The following TAB2 variants were observed in gnomAD, a reference collection of about 807,000 sequenced individuals.
TAB2 encodes the protein TGF-beta-activated kinase 1 and MAP3K7-binding protein 2.
In TAB2, 3 loss-of-function variants were observed where a neutral mutation model predicts 65.0. The ratio of observed to expected loss-of-function variants is 0.05; its 90% CI spans 0.02 to 0.12. TAB2 has a LOEUF of 0.12. TAB2 is among the 10% of genes least tolerant of loss of function. The pLI is 1.00. For synonymous variants in TAB2, 298 were observed against 285.1 expected (o/e 1.05, Z -0.46); for missense variants, 623 against 840.3 (o/e 0.74, Z 3.20).
At chr6:149,329,750 A>T (rs888731666) in intron 1 of TAB2, among the ~76,000 whole-genome samples, 1 of 152,072 alleles carries the variant, frequency 6.6e-6, no homozygotes, top group Non-Finnish European at 1.5e-5. Flanking sequence ...AGACTGTGAT[A>T]AGGACTTTAG....
chr6:149,275,366 C>T (rs866997670), intron 1 of TAB2, among the ~76,000 whole-genome samples: 2 of 152,010 alleles, frequency 1.3e-5, no homozygotes, highest in Non-Finnish European at 2.9e-5. Context: ...CACTCGCCAA[C>T]GAAAGAAGCT....
Position 149,263,320 on chromosome 6 carries a change from A to G in TAB2, c.-121+44544A>G, listed in dbSNP as rs74972107. ...TACAGAAAAACAGATCTTTTAAATT[A>G]GAAATAAATTGGTAGTTATCTATAT... On this transcript the variant is annotated intron_variant, in intron 1 of 1. Transcript: ENST00000606202. Among the ~76,000 whole-genome samples, 1,143 of 152,362 alleles carry G rather than the reference A, an allele frequency of 7.5e-3. 7 individuals are homozygous for G. Among genetic ancestry groups the G allele is most frequent in the Non-Finnish European group, 0.012 (839 of 68,028 alleles).
At chr6:149,226,234 T>A (rs1308522571) in intron 1 of TAB2, among the ~76,000 whole-genome samples, 1 of 152,180 alleles carries the variant, frequency 6.6e-6, no homozygotes, top group Admixed American at 6.5e-5. Flanking sequence ...CTGCCCATTA[T>A]AGGACACAGA....
chr6:149,306,620 C>T (rs1779077238), intron 1 of TAB2, among the ~76,000 whole-genome samples: 1 of 151,516 alleles, frequency 6.6e-6, no homozygotes, highest in Admixed American at 6.6e-5. Context: ...GGTGTAGTGG[C>T]GCAGCCCTGT....
intron 1 of TAB2, among the ~76,000 whole-genome samples, chr6:149,262,464 C>T (rs879266401): frequency 2.6e-5 from 4 of 151,350 alleles, no homozygotes; most frequent in African/African-American, 4.9e-5. Context: ...ACCCAGGAGG[C>T]GGAGGTTGCA....
At chr6:149,326,365 C>T (rs1262985224) in intron 1 of TAB2, among the ~76,000 whole-genome samples, 1 of 151,356 alleles carries the variant, frequency 6.6e-6, no homozygotes, top group Non-Finnish European at 1.5e-5. Context: ...TACATGAAAT[C>T]TCTTAGCCTA....
At chr6:149,304,757 A>G (rs2114706354) in intron 1 of TAB2, among the ~76,000 whole-genome samples, 1 of 152,304 alleles carries the variant, frequency 6.6e-6, no homozygotes, top group East Asian at 1.9e-4. Flanking sequence ...CTTGTTTAAA[A>G]GTGGCTTAGT....
Position 149,287,482 on chromosome 6 carries a change from GTT to G in TAB2, c.-121+68716_-121+68717del, listed in dbSNP as rs35420416. ...ATATAACAAGCAAACTTTGTTTTCTGTTTTTTTTTTTAAAAAGAAAGTATTAG... is the reference window on the plus strand; with the variant it reads ...ATATAACAAGCAAACTTTGTTTTCTGTTTTTTTTTAAAAAGAAAGTATTAG... On this transcript the variant is annotated intron_variant, in intron 1 of 1. Transcript: ENST00000606202. Among the ~76,000 whole-genome samples the G allele has an allele frequency of 9.9e-3, 1,477 of 148,994 alleles. 12 individuals carry two copies. The highest frequency in any genetic ancestry group is 0.026 in the African/African-American group (1,066 of 40,624).
chr6:149,350,437 TA>T (rs1216511051), intron 1 of TAB2, among the ~76,000 whole-genome samples: 1 of 152,116 alleles, frequency 6.6e-6, no homozygotes, highest in East Asian at 1.9e-4. Context: ...CAGAAAAAAT[TA>T]TTACCGCTAA....
chr6:149,374,857 A>C (rs1411133151), intron 2 of TAB2, among the ~76,000 whole-genome samples: 3 of 152,200 alleles, frequency 2.0e-5, no homozygotes, highest in Non-Finnish European at 4.4e-5. Flanking sequence ...TACTACACAA[A>C]TACCAAGTTT....
intron 1 of TAB2, among the ~76,000 whole-genome samples, chr6:149,297,323 C>T (rs967464346): frequency 3.9e-5 from 6 of 152,136 alleles, no homozygotes; most frequent in Admixed American, 6.5e-5. Flanking sequence ...TCAAGGATCA[C>T]GCATTTCATT....
intron 1 of TAB2, among the ~76,000 whole-genome samples, chr6:149,273,583 G>T (rs573278581): frequency 6.6e-6 from 1 of 152,344 alleles, no homozygotes; most frequent in African/African-American, 2.4e-5. Context: ...TGCAGTGGAG[G>T]AAGTGTCACA....
At chr6:149,236,745 C>T (rs1358625110) in intron 1 of TAB2, among the ~76,000 whole-genome samples, 2 of 152,158 alleles carry the variant, frequency 1.3e-5, no homozygotes, top group Non-Finnish European at 2.9e-5. Flanking sequence ...ATGTTGGCTT[C>T]CCTAGGCTAC....
chr6:149,290,751 G>A (rs1275324547), intron 1 of TAB2, among the ~76,000 whole-genome samples: 1 of 152,180 alleles, frequency 6.6e-6, no homozygotes. Context: ...AGGCTCAGGT[G>A]GGAGGATGGC....
intron 1 of TAB2, among the ~76,000 whole-genome samples, chr6:149,369,084 C>G (rs1483117744): frequency 6.6e-6 from 1 of 151,946 alleles, no homozygotes; most frequent in East Asian, 1.9e-4. Flanking sequence ...TGAAATTTGT[C>G]CTAATGAAAG....
intron 1 of TAB2, chr6:149,304,376 G>T: frequency 6.5e-6 from 1 of 153,370 alleles, no homozygotes; most frequent in South Asian, 2.1e-4. Context: ...TTCTACTGAT[G>T]GTCACCATGG....
At chr6:149,312,894 GA>G (rs1779189644), upstream of TAB2, among the ~76,000 whole-genome samples, 1 of 152,162 alleles carries the variant, frequency 6.6e-6, no homozygotes, top group African/African-American at 2.4e-5. Context: ...TGATTTTCAA[GA>G]GTACAATATT....
At chr6:149,383,772 G>A (rs1045839936) in intron 3 of TAB2, among the ~76,000 whole-genome samples, 2 of 152,116 alleles carry the variant, frequency 1.3e-5, no homozygotes, top group Non-Finnish European at 2.9e-5. Flanking sequence ...TAAGAGAGAT[G>A]TGGTTTCACC....
intron 1 of TAB2, among the ~76,000 whole-genome samples, chr6:149,237,795 G>A (rs759770422): frequency 1.6e-4 from 25 of 152,180 alleles, no homozygotes; most frequent in Non-Finnish European, 3.1e-4. Flanking sequence ...GCTCAGGGAT[G>A]AGCAATGATG....
Sources: gnomAD v4.1 joint callset for allele counts (sites outside exome capture counted in the v4.1 genomes callset) on GRCh38, gnomAD v4.1.1 for gene constraint, MANE v1.5 for transcripts, NCBI Gene and HGNC (gene_info 2026-07-23, HGNC 2026-07-21) for gene names.